Variants in SNTG1 observed in about 807,000 individuals in gnomAD.
SNTG1 encodes the protein gamma-1-syntrophin.
In SNTG1, 39 loss-of-function variants were observed where a neutral mutation model predicts 74.7. The ratio of observed to expected loss-of-function variants is 0.52; its 90% CI spans 0.40 to 0.68. SNTG1 has a LOEUF of 0.68. Among genes scored for constraint, SNTG1 ranks in the 30% least tolerant of loss-of-function variants. SNTG1 has a pLI of 0.00. For synonymous variants in SNTG1, 254 were observed against 217.1 expected (o/e 1.17, Z -1.49); for missense variants, 685 against 609.5 (o/e 1.12, Z -1.30).
intron 2 of SNTG1, among the ~76,000 whole-genome samples, chr8:50,292,348 C>T (rs1054718708): frequency 6.6e-6 from 1 of 151,932 alleles, no homozygotes. Flanking sequence ...GTGGTATGAG[C>T]CAAAAGGAGA....
chr8:50,128,333 A>C (rs2081210082), intron 1 of SNTG1, among the ~76,000 whole-genome samples: 1 of 152,118 alleles, frequency 6.6e-6, no homozygotes, highest in African/African-American at 2.4e-5. Context: ...GCTCTTTTTG[A>C]GTGTCTCACT....
chr8:50,130,761 T>C (rs2081290702), intron 1 of SNTG1, among the ~76,000 whole-genome samples: 1 of 151,996 alleles, frequency 6.6e-6, no homozygotes, highest in Middle Eastern at 3.2e-3. Context: ...GAGCAAAAAA[T>C]TATTAAACAT....
intron 2 of SNTG1, among the ~76,000 whole-genome samples, chr8:50,259,754 T>C (rs534917523): frequency 1.3e-5 from 2 of 152,214 alleles, no homozygotes; most frequent in Admixed American, 6.5e-5. Context: ...TCAAAAACTC[T>C]TAGATCCTTC....
At chr8:50,519,875 T>C (rs2094164893) in intron 9 of SNTG1, among the ~76,000 whole-genome samples, 2 of 152,028 alleles carry the variant, frequency 1.3e-5, no homozygotes, top group Admixed American at 6.6e-5. Flanking sequence ...ATGGCCATAC[T>C]ACCCAAAGAA....
chr8:50,307,559 T>A (rs1482066805), intron 2 of SNTG1, among the ~76,000 whole-genome samples: 1 of 152,108 alleles, frequency 6.6e-6, no homozygotes, highest in Non-Finnish European at 1.5e-5. Flanking sequence ...ATTTATGAAA[T>A]AAAAAATATT....
intron 1 of SNTG1, among the ~76,000 whole-genome samples, chr8:50,139,032 C>T (rs2081573127): frequency 6.6e-6 from 1 of 152,130 alleles, no homozygotes; most frequent in Non-Finnish European, 1.5e-5. Flanking sequence ...CACACAAATG[C>T]TGTTACCATT....
chr8:50,701,579 TTTCTTCCTC>T (rs1387381137), intron 15 of SNTG1, among the ~76,000 whole-genome samples: 3 of 83,762 alleles, frequency 3.6e-5, no homozygotes, highest in African/African-American at 3.2e-4. Context: ...ATAATACCTT[TTTCTTCCTC>T]TTCTTCTTCT....
chr8:50,272,110 T>C (rs2087816056), intron 2 of SNTG1, among the ~76,000 whole-genome samples: 1 of 152,192 alleles, frequency 6.6e-6, no homozygotes, highest in Non-Finnish European at 1.5e-5. Flanking sequence ...CAATTGTTTA[T>C]CAGCCACACA....
chr8:50,706,514 A>G (rs1354725624), intron 16 of SNTG1, among the ~76,000 whole-genome samples: 1 of 152,242 alleles, frequency 6.6e-6, no homozygotes, highest in South Asian at 2.1e-4. Context: ...AAGTCTCCTG[A>G]TATTTATAAA....
chr8:50,329,421 A>C (rs2090875002), intron 2 of SNTG1, among the ~76,000 whole-genome samples: 1 of 152,048 alleles, frequency 6.6e-6, no homozygotes, highest in African/African-American at 2.4e-5. Context: ...ATTCCCAAAC[A>C]TCCTCTGAAA....
In SNTG1 at chr8:50,603,396, G is replaced by T. The variant is rs377757179; in HGVS notation, c.849+12479G>T. 8.5e-5 allele frequency among the ~76,000 whole-genome samples: 13 copies of T among 152,110 alleles called. 1 individual carries two copies. The highest frequency in any genetic ancestry group is 2.9e-4 in the African/African-American group (12 of 41,414). On this transcript the variant is annotated intron_variant, in intron 13 of 18. Coordinates refer to ENST00000642720, the MANE Select transcript of SNTG1 (RefSeq NM_018967.5). ...ATCACTTTGTGAAATTTATTTGATA[G>T]AATTCTAAATTCCTTCTCTGTGTTG...
chr8:50,710,062 A>G (rs2095457349), intron 17 of SNTG1, among the ~76,000 whole-genome samples: 1 of 152,212 alleles, frequency 6.6e-6, no homozygotes, highest in African/African-American at 2.4e-5. Flanking sequence ...GGATCCAGGT[A>G]GGATGCCGCC....
At chr8:49,941,713 T>C (rs1808709023) in intron 1 of SNTG1, among the ~76,000 whole-genome samples, 1 of 151,988 alleles carries the variant, frequency 6.6e-6, no homozygotes, top group Non-Finnish European at 1.5e-5. Context: ...CACATTCCAC[T>C]AGCAGATGTC....
chr8:50,415,219 A>T (rs1324065000), intron 4 of SNTG1, among the ~76,000 whole-genome samples: 1 of 152,168 alleles, frequency 6.6e-6, no homozygotes, highest in Non-Finnish European at 1.5e-5. Flanking sequence ...TGAAAATGGC[A>T]GTAATGTAAA....
chr8:50,286,363 T>G (rs1315395155), intron 2 of SNTG1, among the ~76,000 whole-genome samples: 1 of 152,166 alleles, frequency 6.6e-6, no homozygotes, highest in Non-Finnish European at 1.5e-5. Flanking sequence ...TTTGAATGTG[T>G]TTTCTTTGCC....
intron 8 of SNTG1, among the ~76,000 whole-genome samples, chr8:50,482,948 T>C (rs539311119): frequency 6.6e-6 from 1 of 152,188 alleles, no homozygotes; most frequent in Non-Finnish European, 1.5e-5. Context: ...TTTTTCTTAT[T>C]ATTCAGATAC....
intron 1 of SNTG1, among the ~76,000 whole-genome samples, chr8:50,114,674 G>C (rs2080742522): frequency 6.6e-6 from 1 of 152,066 alleles, no homozygotes. Flanking sequence ...AGACCATCCT[G>C]GCCAGCATGG....
At chr8:50,400,887 G>A (rs1276001069) in intron 3 of SNTG1, among the ~76,000 whole-genome samples, 5 of 152,012 alleles carry the variant, frequency 3.3e-5, no homozygotes, top group Admixed American at 2.0e-4. Flanking sequence ...TCTAGTGCAC[G>A]CTAGGATGAT....
chr8:50,400,483 A>T (rs944751751), intron 3 of SNTG1, among the ~76,000 whole-genome samples: 1 of 152,170 alleles, frequency 6.6e-6, no homozygotes, highest in African/African-American at 2.4e-5. Flanking sequence ...GGGAGTGCAG[A>T]TGTCCCTTTG....
Sources: gnomAD v4.1 joint callset for allele counts (sites outside exome capture counted in the v4.1 genomes callset) on GRCh38, gnomAD v4.1.1 for gene constraint, MANE v1.5 for transcripts, NCBI Gene and HGNC (gene_info 2026-07-23, HGNC 2026-07-21) for gene names.